Variants in EIF4G3 observed in about 807,000 individuals in gnomAD.
EIF4G3 encodes eukaryotic translation initiation factor 4 gamma 3.
EIF4G3 carries 34 observed loss-of-function variants against 186.4 expected under a neutral mutation model. The observed-to-expected ratio is 0.18, with a 90% CI of 0.14 to 0.24. The LOEUF (loss-of-function observed/expected upper bound fraction) is 0.24. Ranked by LOEUF, EIF4G3 falls within the 10% of genes least tolerant of loss-of-function variation. The pLI, the probability that EIF4G3 is intolerant of heterozygous loss-of-function variation, is 1.00. For missense variants in EIF4G3, 1,536 were observed against 1,948.5 expected (o/e 0.79, Z 3.99); for synonymous variants, 673 against 679.5 (o/e 0.99, Z 0.15).
chr1:20,974,801 A>G lies in EIF4G3; in HGVS notation c.494-1702T>C, dbSNP rs1460817980. Among the ~76,000 whole-genome samples the G allele has an allele frequency of 3.3e-5, 5 of 152,358 alleles. No homozygotes were observed. The East Asian group carries it at 9.6e-4, about 29-fold the overall frequency. On this transcript the variant is annotated intron_variant, in intron 10 of 36. Coordinates refer to ENST00000602326, the MANE Select transcript of EIF4G3 (RefSeq NM_001391906.1). The stretch of plus-strand genomic sequence containing the variant: ...AAAGAATTGCTAGAGTAATAGCCTT[A>G]AATGGGTACAGGATGGGATCCAGTA...
chr1:21,016,969 AAAAACAAAAC>A (rs953452361), intron 4 of EIF4G3, among the ~76,000 whole-genome samples: 1 of 152,128 alleles, frequency 6.6e-6, no homozygotes, highest in African/African-American at 2.4e-5. Context: ...CTCTCATTTA[AAAAACAAAAC>A]AAAACGAAAC....
At chr1:21,125,968 C>T (rs963481201) in intron 2 of EIF4G3, among the ~76,000 whole-genome samples, 1 of 151,472 alleles carries the variant, frequency 6.6e-6, no homozygotes, top group African/African-American at 2.4e-5. Flanking sequence ...CTTTGGGAGG[C>T]CAAGGAGGGA....
At chr1:20,882,849 G>C (rs1421670954) in intron 19 of EIF4G3, among the ~76,000 whole-genome samples, 1 of 151,768 alleles carries the variant, frequency 6.6e-6, no homozygotes, top group Non-Finnish European at 1.5e-5. Flanking sequence ...CAGCAATTGG[G>C]AGGCTAAAGC....
chr1:21,154,166 CG>C (rs1432703715), intron 2 of EIF4G3, among the ~76,000 whole-genome samples: 1 of 152,124 alleles, frequency 6.6e-6, no homozygotes, highest in African/African-American at 2.4e-5. Context: ...AATAAGATAA[CG>C]GAACATTCAA....
intron 2 of EIF4G3, chr1:21,175,068 T>C (rs957508126): frequency 1.3e-5 from 2 of 152,114 alleles, no homozygotes; most frequent in Non-Finnish European, 2.9e-5. Context: ...TCCTACAATC[T>C]CTAAAAGTCA....
At chr1:21,032,789 C>T (rs1217312563) in intron 4 of EIF4G3, among the ~76,000 whole-genome samples, 1 of 151,770 alleles carries the variant, frequency 6.6e-6, no homozygotes, top group African/African-American at 2.4e-5. Flanking sequence ...TTAAAAAAAA[C>T]GGAGTGAAAA....
intron 21 of EIF4G3, 74 bp downstream of exon 21, chr1:20,865,042 T>C: frequency 6.5e-7 from 1 of 1,546,354 alleles, no homozygotes; most frequent in Non-Finnish European, 8.8e-7. Flanking sequence ...GGAGATGCTG[T>C]ATCTAGCTTC....
chr1:20,813,398 T>TAAAAA (rs11303095), intron 34 of EIF4G3, among the ~76,000 whole-genome samples, 159 bp from the exon 35 acceptor site: 2 of 81,822 alleles, frequency 2.4e-5, no homozygotes, highest in African/African-American at 9.5e-5. Context: ...CCCTATCTCT[T>TAAAAA]AAAAAAAAAA....
chr1:21,071,628 T>A (rs1304484555), intron 3 of EIF4G3, among the ~76,000 whole-genome samples: 1 of 151,820 alleles, frequency 6.6e-6, no homozygotes, highest in Non-Finnish European at 1.5e-5. Context: ...GGTCAGGCAT[T>A]GAAGACCAGC....
At chr1:21,112,770 TAGAA>T (rs371093117) in intron 2 of EIF4G3, among the ~76,000 whole-genome samples, 5 of 152,166 alleles carry the variant, frequency 3.3e-5, no homozygotes, top group African/African-American at 9.7e-5. Context: ...TATTCTCAAA[TAGAA>T]AGCTTTTCAG....
At chr1:21,017,506 T>C (rs1280630674) in intron 4 of EIF4G3, among the ~76,000 whole-genome samples, 2 of 151,680 alleles carry the variant, frequency 1.3e-5, no homozygotes, top group Non-Finnish European at 2.9e-5. Context: ...CGGGCACCTG[T>C]AGTTCCAGCT....
At chr1:21,057,328 C>T (rs1045623600) in intron 3 of EIF4G3, among the ~76,000 whole-genome samples, 2 of 151,966 alleles carry the variant, frequency 1.3e-5, no homozygotes, top group Non-Finnish European at 2.9e-5. Flanking sequence ...TATACAGAAA[C>T]AGAATAAAAA....
intron 2 of EIF4G3, among the ~76,000 whole-genome samples, chr1:21,133,007 C>A (rs2097180818): frequency 6.6e-6 from 1 of 152,008 alleles, no homozygotes; most frequent in Admixed American, 6.6e-5. Context: ...TAGTCTTGAA[C>A]TCCTGGGCTC....
chr1:20,930,582 T>TA (rs2095260752), intron 14 of EIF4G3, among the ~76,000 whole-genome samples: 4 of 152,166 alleles, frequency 2.6e-5, no homozygotes. Flanking sequence ...TTTGTTTTCT[T>TA]AGAGATGGGG....
At chr1:21,065,949 C>T (rs2095219825) in intron 3 of EIF4G3, among the ~76,000 whole-genome samples, 1 of 151,942 alleles carries the variant, frequency 6.6e-6, no homozygotes, top group Admixed American at 6.6e-5. Flanking sequence ...AAAGTCTAAT[C>T]CTTTAAGCAA....
chr1:21,124,885 C>T (rs1057053326), intron 2 of EIF4G3, among the ~76,000 whole-genome samples: 3 of 151,988 alleles, frequency 2.0e-5, no homozygotes, highest in Non-Finnish European at 2.9e-5. Flanking sequence ...TTAATATTTC[C>T]ATCATAATTT....
intron 15 of EIF4G3, 98 bp from the exon 16 acceptor site, chr1:20,900,041 T>C (rs763438182): frequency 5.5e-5 from 68 of 1,233,724 alleles, no homozygotes; most frequent in Non-Finnish European, 7.3e-5. Flanking sequence ...AAGGAAAACA[T>C]GTCATTCAAG....
At chr1:20,829,041 T>G in intron 31 of EIF4G3, 106 bp downstream of exon 31, 99 of 1,228,686 alleles carry the variant, frequency 8.1e-5, no homozygotes, top group Non-Finnish European at 1.1e-4. Context: ...CCTGCATTCA[T>G]GAGTCTCCAA....
rs1406174699 is a variant in EIF4G3 at position 20,942,273 on chromosome 1, A to G, written c.881T>C (p.Val294Ala). The change falls in exon 14 of 37, where the codon GTC (valine) becomes GCC (alanine). Residue 294 changes from valine to alanine, a missense_variant. Val to Ala is a moderately conservative substitution (Grantham distance 64, BLOSUM62 0). Around this residue, in one of 11 missense-constraint regions of EIF4G3, gnomAD observed 560 missense variants for 547.8 expected, o/e 1.02. Coordinates refer to ENST00000602326, the MANE Select transcript of EIF4G3 (RefSeq NM_001391906.1). Reference protein sequence around the residue: ...LKSPSPVLRLVLSGEKKEQEG... With the variant: ...LKSPSPVLRLALSGEKKEQEG... ...TTGTTCTTTCTTCTCTCCACTGAGG[A>G]CTAGCCTAAGGACTGGGGAAGGAGA... The G allele has an allele frequency of 3.1e-6, 5 of 1,613,016 alleles. No homozygotes were observed.
Sources: allele counts gnomAD v4.1 joint callset (sites outside exome capture counted in the v4.1 genomes callset), GRCh38; gene constraint gnomAD v4.1.1; regional missense constraint gnomAD v4.1.1; transcripts MANE v1.5; gene names NCBI Gene and HGNC (gene_info 2026-07-23, HGNC 2026-07-21).